SHISA6: variants seen among roughly 807,000 people sequenced by gnomAD.
SHISA6 encodes protein shisa-6.
In SHISA6, 22 loss-of-function variants were observed where a neutral mutation model predicts 47.9. The observed-to-expected ratio is 0.46, with a 90% CI of 0.33 to 0.66. The LOEUF (loss-of-function observed/expected upper bound fraction) is 0.66, where lower values mean the gene tolerates loss of function less well. SHISA6 is among the 30% of genes least tolerant of loss of function. The pLI is 0.02. For synonymous variants in SHISA6, 388 were observed against 337.8 expected, an observed-to-expected ratio of 1.15 and a Z score of -1.63; for missense variants, 680 against 764.6, an observed-to-expected ratio of 0.89 and a Z score of 1.30.
rs555795085 is a variant in SHISA6, at chr17:11,355,713, A to G, written c.800-23701A>G. Among the ~76,000 whole-genome samples, 16 of 152,346 alleles carry G rather than the reference A, an allele frequency of 1.1e-4. No individual in the cohort carries two copies. In the South Asian group the frequency reaches 2.3e-3, roughly 22 times the overall value. On this transcript the variant is annotated intron_variant, in intron 2 of 5. Coordinates refer to ENST00000441885, the MANE Select transcript of SHISA6 (RefSeq NM_207386.4). ...GAACTCAATTGAAAACTGGCTGGAA[A>G]GGGAACGGATGAGCTTGAATCCACA...
intron 2 of SHISA6, among the ~76,000 whole-genome samples, chr17:11,379,114 A>T (rs907332565): frequency 1.3e-5 from 2 of 148,732 alleles, no homozygotes; most frequent in African/African-American, 4.9e-5. Flanking sequence ...GTGTGTATAT[A>T]TACTAATATA....
chr17:11,272,901 G>A (rs1182193989), intron 2 of SHISA6, among the ~76,000 whole-genome samples: 1 of 152,218 alleles, frequency 6.6e-6, no homozygotes, highest in African/African-American at 2.4e-5. Flanking sequence ...CCAGATCCAA[G>A]GTGGTGGCAT....
At chr17:11,427,856 G>A (rs954463686) in intron 3 of SHISA6, among the ~76,000 whole-genome samples, 2 of 152,108 alleles carry the variant, frequency 1.3e-5, no homozygotes, top group African/African-American at 4.8e-5. Context: ...GGGTGGAGGC[G>A]AGGGGACAGC....
At chr17:11,431,787 T>TA (rs1490229512) in intron 3 of SHISA6, among the ~76,000 whole-genome samples, 1 of 152,180 alleles carries the variant, frequency 6.6e-6, no homozygotes, top group Non-Finnish European at 1.5e-5. Flanking sequence ...TATTCTAAGT[T>TA]AAAAACACAA....
chr17:11,373,027 T>A (rs545392579), intron 2 of SHISA6, among the ~76,000 whole-genome samples: 1 of 152,058 alleles, frequency 6.6e-6, no homozygotes, highest in East Asian at 1.9e-4. Context: ...TTTCTGTCAA[T>A]AAAGATAACT....
intron 4 of SHISA6, among the ~76,000 whole-genome samples, chr17:11,553,211 A>G (rs1047983910): frequency 5.9e-5 from 9 of 152,156 alleles, no homozygotes; most frequent in Non-Finnish European, 1.2e-4. Flanking sequence ...TGAAGATGTG[A>G]GTGAAGCTTT....
At chr17:11,359,455 T>C (rs113295709) in intron 2 of SHISA6, among the ~76,000 whole-genome samples, 2 of 152,142 alleles carry the variant, frequency 1.3e-5, no homozygotes, top group African/African-American at 4.8e-5. Context: ...AATATACCAT[T>C]GGGCAAGCTA....
chr17:11,366,195 T>G (rs1338546809), intron 2 of SHISA6, among the ~76,000 whole-genome samples: 4 of 152,196 alleles, frequency 2.6e-5, no homozygotes. Context: ...TTACCCAGGG[T>G]GGAGTGCAGT....
rs921479660 is a variant in SHISA6, at chr17:11,428,781, T to C, written c.895+49272T>C. ...TCAGCTGGGGCAGGATCCACTTTCT[T>C]TTTTTTTTTTTTTTTTTTTTTGAGA... On this transcript the variant is annotated intron_variant, in intron 3 of 5. Transcript: ENST00000441885. Among the ~76,000 whole-genome samples, 142 of 99,710 alleles carry C rather than the reference T, an allele frequency of 1.4e-3. 1 individual carries two copies. The highest frequency in any genetic ancestry group is 4.6e-3 in the Middle Eastern group (1 of 218). 65.4% of individuals were successfully genotyped at this position (99,710 alleles called of 152,430 possible). A position where few individuals can be genotyped will look rare whatever the true frequency, so the allele number is the denominator to read the frequency against.
intron 2 of SHISA6, among the ~76,000 whole-genome samples, chr17:11,309,910 G>A (rs1910256330): frequency 6.6e-6 from 1 of 152,202 alleles, no homozygotes; most frequent in South Asian, 2.1e-4. Flanking sequence ...ACTTATTGAG[G>A]CATTGTCCTC....
At chr17:11,434,493 C>T (rs566863331) in intron 3 of SHISA6, among the ~76,000 whole-genome samples, 1 of 152,272 alleles carries the variant, frequency 6.6e-6, no homozygotes, top group East Asian at 1.9e-4. Flanking sequence ...TCTCCCCAGC[C>T]ATTTGACGGC....
intron 3 of SHISA6, among the ~76,000 whole-genome samples, chr17:11,444,125 C>T (rs945317193): frequency 2.0e-5 from 3 of 152,140 alleles, no homozygotes; most frequent in Non-Finnish European, 4.4e-5. Flanking sequence ...TGGAGACCAG[C>T]CTGGCCAACA....
chr17:11,460,996 G>T (rs541145880), intron 3 of SHISA6, among the ~76,000 whole-genome samples: 1 of 152,324 alleles, frequency 6.6e-6, no homozygotes, highest in East Asian at 1.9e-4. Context: ...ATTAATTAAT[G>T]AATGATTATC....
chr17:11,509,481 C>T lies in SHISA6; in HGVS notation c.896-42415C>T, dbSNP rs151057596. Among the ~76,000 whole-genome samples, 9 of 152,248 alleles carry T rather than the reference C, an allele frequency of 5.9e-5. No homozygotes were observed. In the East Asian group the frequency reaches 1.5e-3, roughly 26 times the overall value. On this transcript the variant is annotated intron_variant, in intron 3 of 5. Coordinates refer to ENST00000441885, the MANE Select transcript of SHISA6 (RefSeq NM_207386.4). Reference sequence around the variant, plus strand: ...GAGCTGGAGGAAATGCCTGAGGTCACCTCCCTCCTTGGTGGTGTAACCAGC... The same window carrying T: ...GAGCTGGAGGAAATGCCTGAGGTCATCTCCCTCCTTGGTGGTGTAACCAGC...
chr17:11,508,554 C>CGAGA (rs143280120), intron 3 of SHISA6, among the ~76,000 whole-genome samples: 1,951 of 128,148 alleles, frequency 0.015, 321 homozygotes, highest in African/African-American at 0.056. Flanking sequence ...CCCTCCTCTC[C>CGAGA]CCTCCCCTCC....
In SHISA6 at chr17:11,241,419, C is replaced by A. The variant is rs778406111; in HGVS notation, c.-4C>A. The stretch of plus-strand genomic sequence containing the variant: ...CTCCCCGCGCCCTCCCGCCCGGCCC[C>A]GCCATGGCGCTGCGGCGCCTCCTGC... On this transcript the variant is annotated 5_prime_UTR_variant, in exon 1 of 6. Transcript: ENST00000441885. The surrounding 1 kb of genome is among the most constrained non-coding windows in gnomAD (Gnocchi z 5.5). 2.1e-5 allele frequency: 24 copies of A among 1,151,914 alleles called. No homozygotes were observed. Among genetic ancestry groups the A allele is most frequent in the Middle Eastern group, 3.8e-4 (1 of 2,644 alleles). The allele number at this position is 1,151,914 out of a possible 1,614,324, so 71.4% of individuals were successfully genotyped here. A position where few individuals can be genotyped will look rare whatever the true frequency, so the allele number is the denominator to read the frequency against.
chr17:11,483,186 AG>A (rs1363224963), intron 3 of SHISA6, among the ~76,000 whole-genome samples: 1 of 152,062 alleles, frequency 6.6e-6, no homozygotes, highest in African/African-American at 2.4e-5. Flanking sequence ...CTGTAATCCC[AG>A]CTACTCGGAA....
chr17:11,445,647 G>C (rs937307254), intron 3 of SHISA6, among the ~76,000 whole-genome samples: 5 of 152,140 alleles, frequency 3.3e-5, no homozygotes, highest in African/African-American at 9.7e-5. Context: ...ACTATGCTAA[G>C]TATTGGTGAT....
chr17:11,496,446 G>A (rs1482813855), intron 3 of SHISA6, among the ~76,000 whole-genome samples: 1 of 152,194 alleles, frequency 6.6e-6, no homozygotes, highest in African/African-American at 2.4e-5. Context: ...CATAGAACGG[G>A]ATAGAAGTGG....
Sources: gnomAD v4.1 joint callset for allele counts (sites outside exome capture counted in the v4.1 genomes callset) on GRCh38, gnomAD v4.1.1 for gene constraint, Gnocchi (gnomAD v3.1) non-coding constraint, MANE v1.5 for transcripts, NCBI Gene and HGNC (gene_info 2026-07-23, HGNC 2026-07-21) for gene names.